The following ARHGEF38 variants were observed in gnomAD, a reference collection of about 807,000 sequenced individuals.
ARHGEF38 encodes Rho guanine nucleotide exchange factor 38.
In ARHGEF38, 79 loss-of-function variants were observed where a neutral mutation model predicts 79.9. The ratio of observed to expected loss-of-function variants is 0.99; its 90% CI spans 0.82 to 1.19. The LOEUF (loss-of-function observed/expected upper bound fraction) is 1.19. ARHGEF38 is among the 50% of genes most tolerant of loss of function. ARHGEF38 has a pLI of 0.00. For synonymous variants in ARHGEF38, 366 were observed against 328.3 expected, an observed-to-expected ratio of 1.11 and a Z score of -1.24; for missense variants, 962 against 907.2, an observed-to-expected ratio of 1.06 and a Z score of -0.78.
At chr4:105,615,782 T>A (rs1343363059) in intron 3 of ARHGEF38, among the ~76,000 whole-genome samples, 4 of 152,214 alleles carry the variant, frequency 2.6e-5, no homozygotes, top group African/African-American at 9.7e-5. Context: ...ACATAGTCCA[T>A]CTCTCGTATG....
intron 1 of ARHGEF38, among the ~76,000 whole-genome samples, chr4:105,579,342 ATT>A (rs1726664735): frequency 6.6e-6 from 1 of 152,120 alleles, no homozygotes; most frequent in African/African-American, 2.4e-5. Context: ...GCTTTTGCCC[ATT>A]TAGTATGTTG....
chr4:105,645,499 T>G lies in ARHGEF38; in HGVS notation c.874+112T>G, dbSNP rs1578342501. 2.2e-5 allele frequency: 20 copies of G among 904,278 alleles called. 1 individual carries two copies. The East Asian group carries it at 5.6e-4, about 25-fold the overall frequency. The allele number at this position is 904,278 out of a possible 1,614,324, so 56.0% of individuals were successfully genotyped here. On this transcript the variant is annotated intron_variant, in intron 6 of 13. Coordinates refer to ENST00000420470, the MANE Select transcript of ARHGEF38 (RefSeq NM_001242729.2). ...TAGCAGCTGCAGTGAACTGATCATT[T>G]GAAATCTACAATTAGAAGCTGGAGA...
intron 1 of ARHGEF38, among the ~76,000 whole-genome samples, chr4:105,577,377 C>CT (rs992195262): frequency 2.7e-5 from 4 of 150,622 alleles, no homozygotes; most frequent in South Asian, 2.1e-4. Flanking sequence ...TTGCGATAGT[C>CT]TTTTTTTATT....
Position 105,561,523 on chromosome 4 carries a change from TA to T in ARHGEF38, c.196+8563del, listed in dbSNP as rs1560684894. ...TAGAATAGAATAGAATAGAATAGAA[TA>T]GAATAGAATAGAATAGAAAAGTTTC... On this transcript the variant is annotated intron_variant, in intron 1 of 13. Coordinates refer to ENST00000420470, the MANE Select transcript of ARHGEF38 (RefSeq NM_001242729.2). 198 of 148,212 alleles carry T rather than the reference TA, an allele frequency of 1.3e-3. 4 individuals carry two copies. Among genetic ancestry groups the T allele is most frequent in the Non-Finnish European group, 2.4e-3 (160 of 66,356 alleles). 9.2% of individuals were successfully genotyped at this position (148,212 alleles called of 1,614,324 possible).
intron 6 of ARHGEF38, among the ~76,000 whole-genome samples, chr4:105,646,746 C>T (rs1477617510): frequency 6.6e-6 from 1 of 151,802 alleles, no homozygotes; most frequent in African/African-American, 2.4e-5. Context: ...GCATATTATA[C>T]ACTACAATAC....
At chr4:105,623,940 G>T (rs950149122) in intron 3 of ARHGEF38, among the ~76,000 whole-genome samples, 7 of 152,238 alleles carry the variant, frequency 4.6e-5, no homozygotes, top group Non-Finnish European at 1.0e-4. Context: ...CTTAGCTTCA[G>T]AACAGCCCCT....
intron 1 of ARHGEF38, among the ~76,000 whole-genome samples, chr4:105,574,644 G>C (rs143298162): frequency 7.6e-4 from 116 of 151,658 alleles, no homozygotes; most frequent in African/African-American, 2.7e-3. Context: ...CATTAAGTAT[G>C]ATGTTTGCTG....
intron 5 of ARHGEF38, among the ~76,000 whole-genome samples, chr4:105,637,108 C>T (rs1299174688): frequency 6.6e-6 from 1 of 151,476 alleles, no homozygotes; most frequent in Non-Finnish European, 1.5e-5. Flanking sequence ...ATGAGCAACT[C>T]TTTAAGGTCC....
intron 13 of ARHGEF38, among the ~76,000 whole-genome samples, chr4:105,668,207 A>C (rs1245451806): frequency 6.6e-6 from 1 of 151,314 alleles, no homozygotes. Flanking sequence ...TTTGAGATGG[A>C]GTCTCACTCT....
At chr4:105,647,664 C>T (rs1729907912) in intron 6 of ARHGEF38, among the ~76,000 whole-genome samples, 1 of 151,982 alleles carries the variant, frequency 6.6e-6, no homozygotes, top group South Asian at 2.1e-4. Flanking sequence ...TAATTCTCAT[C>T]AGCAGTCTGT....
In ARHGEF38 at chr4:105,680,696, A is replaced by G. The variant is rs548172258; in HGVS notation, c.*2759A>G. On this transcript the variant is annotated 3_prime_UTR_variant, in exon 14 of 14. Coordinates refer to ENST00000420470, the MANE Select transcript of ARHGEF38 (RefSeq NM_001242729.2). Reference sequence around the variant, plus strand: ...GGTATATGTGTACTTATACATATGTACATAACCTAAATATACGTGTGCACA... The same window carrying G: ...GGTATATGTGTACTTATACATATGTGCATAACCTAAATATACGTGTGCACA... 6.6e-6 allele frequency: 1 copy of G among 152,430 alleles called. No individual in the cohort carries two copies. The highest frequency in any genetic ancestry group is 1.5e-5 in the Non-Finnish European group (1 of 68,096). 9.4% of individuals were successfully genotyped at this position (152,430 alleles called of 1,614,324 possible).
intron 7 of ARHGEF38, among the ~76,000 whole-genome samples, chr4:105,652,999 A>G (rs1730168760): frequency 6.6e-6 from 1 of 152,214 alleles, no homozygotes; most frequent in South Asian, 2.1e-4. Context: ...GCTTAATAAT[A>G]CATACCCTAT....
At chr4:105,616,933 G>C (rs1415088074) in intron 3 of ARHGEF38, among the ~76,000 whole-genome samples, 1 of 152,192 alleles carries the variant, frequency 6.6e-6, no homozygotes, top group East Asian at 1.9e-4. Flanking sequence ...TCAGACAACA[G>C]TTTTCCTAGA....
intron 1 of ARHGEF38, among the ~76,000 whole-genome samples, chr4:105,566,861 C>T (rs571099008): frequency 6.6e-6 from 1 of 151,770 alleles, no homozygotes; most frequent in African/African-American, 2.4e-5. Context: ...TCAAGCGATT[C>T]TCCTGCCTCA....
At chr4:105,642,873 G>A (rs529750957) in intron 5 of ARHGEF38, among the ~76,000 whole-genome samples, 24 of 152,104 alleles carry the variant, frequency 1.6e-4, no homozygotes, top group African/African-American at 5.5e-4. Flanking sequence ...AAATAAGTTA[G>A]CATTTGATAA....
intron 13 of ARHGEF38, among the ~76,000 whole-genome samples, chr4:105,670,377 C>T (rs192879814): frequency 6.6e-6 from 1 of 151,894 alleles, no homozygotes; most frequent in Non-Finnish European, 1.5e-5. Flanking sequence ...TTTGCATTTC[C>T]CTAATGATTA....
chr4:105,555,968 C>T (rs1440381401), intron 1 of ARHGEF38, among the ~76,000 whole-genome samples: 2 of 152,078 alleles, frequency 1.3e-5, no homozygotes, highest in African/African-American at 4.8e-5. Flanking sequence ...ATGGCTCTAA[C>T]CAGGACATCC....
chr4:105,635,810 A>T (rs897589497), intron 4 of ARHGEF38, among the ~76,000 whole-genome samples: 3 of 152,066 alleles, frequency 2.0e-5, no homozygotes, highest in Non-Finnish European at 2.9e-5. Context: ...TTTTAAAAAA[A>T]TTATAATTCT....
intron 1 of ARHGEF38, among the ~76,000 whole-genome samples, chr4:105,575,894 A>G (rs1419803680): frequency 2.0e-5 from 3 of 152,128 alleles, no homozygotes; most frequent in African/African-American, 4.8e-5. Context: ...AGCACCATTT[A>G]TTAAATAGAG....
Sources: gnomAD v4.1 joint callset for allele counts (sites outside exome capture counted in the v4.1 genomes callset) on GRCh38, gnomAD v4.1.1 for gene constraint, MANE v1.5 for transcripts, NCBI Gene and HGNC (gene_info 2026-07-23, HGNC 2026-07-21) for gene names.